The following PYHIN1 variants were observed in gnomAD, a reference collection of about 807,000 sequenced individuals.
PYHIN1 encodes pyrin and HIN domain-containing protein 1.
Under a neutral mutation model 43.7 loss-of-function variants are expected in PYHIN1, and 32 were observed. The observed-to-expected ratio is 0.73, with a 90% CI of 0.55 to 0.98. The LOEUF (loss-of-function observed/expected upper bound fraction) is 0.98, where lower values mean the gene tolerates loss of function less well. Ranked by LOEUF, PYHIN1 falls within the 50% of genes least tolerant of loss-of-function variation. The pLI is 0.00. For missense variants in PYHIN1, 588 were observed against 589.5 expected (o/e 1.00, Z 0.03); for synonymous variants, 205 against 203.1 (o/e 1.01, Z -0.08).
the PYHIN1 span, among the ~76,000 whole-genome samples, chr1:158,989,340 T>G: frequency 7.9e-5 from 12 of 152,308 alleles, no homozygotes; most frequent in African/African-American, 2.6e-4. Context: ...TATGAATTAG[T>G]GAAGGTCAAG....
At chr1:158,944,722 G>A (rs1016994031) in intron 6 of PYHIN1, among the ~76,000 whole-genome samples, 153 bp from the exon 7 acceptor site, 7 of 152,092 alleles carry the variant, frequency 4.6e-5, no homozygotes, top group African/African-American at 1.7e-4. Context: ...AAATATATTG[G>A]CAGTTGCCTG....
At chr1:158,983,801 G>A in the PYHIN1 span, among the ~76,000 whole-genome samples, 4 of 151,830 alleles carry the variant, frequency 2.6e-5, no homozygotes, top group African/African-American at 9.7e-5. Flanking sequence ...ATTTTATTAT[G>A]GATTCAATTT....
At chr1:158,956,570 C>A (rs934100126) in intron 7 of PYHIN1, among the ~76,000 whole-genome samples, 1 of 151,796 alleles carries the variant, frequency 6.6e-6, no homozygotes, top group African/African-American at 2.4e-5. Flanking sequence ...ATGCTAAAAA[C>A]TCTCAATAAA....
At chr1:158,960,433 G>A (rs1016674613) in intron 7 of PYHIN1, among the ~76,000 whole-genome samples, 33 of 152,348 alleles carry the variant, frequency 2.2e-4, no homozygotes, top group African/African-American at 7.9e-4. Context: ...TTATTCTGCT[G>A]TACATGAACA....
intron 8 of PYHIN1, among the ~76,000 whole-genome samples, chr1:158,974,152 C>T (rs1266220400): frequency 6.6e-6 from 1 of 151,944 alleles, no homozygotes; most frequent in Non-Finnish European, 1.5e-5. Context: ...TTCAAAATCC[C>T]TGTTTCTTTC....
rs1651304527 is a variant in PYHIN1 at position 158,976,890 on chromosome 1, A to AC, written c.*195_*196insC. 1 of 8,338 alleles carries AC rather than the reference A, an allele frequency of 1.2e-4. No individual in the cohort carries two copies. The highest frequency in any genetic ancestry group is 5.5e-4 in the Non-Finnish European group (1 of 1,810). 0.5% of individuals were successfully genotyped at this position (8,338 alleles called of 1,614,324 possible). A position where few individuals can be genotyped will look rare whatever the true frequency, so the allele number is the denominator to read the frequency against. On this transcript the variant is annotated 3_prime_UTR_variant, in exon 9 of 9. Transcript: ENST00000368140. ...ATACTATATATATATATATATATAT[A>AC]TATATATATATATATATATATATAT...
chr1:158,989,163 G>T, the PYHIN1 span, among the ~76,000 whole-genome samples: 1 of 152,254 alleles, frequency 6.6e-6, no homozygotes, highest in East Asian at 1.9e-4. Flanking sequence ...AGATTTTCAG[G>T]TTCACAGATG....
chr1:158,978,274 C>CATAT (rs57749637), downstream of PYHIN1, among the ~76,000 whole-genome samples: 10 of 150,814 alleles, frequency 6.6e-5, no homozygotes, highest in African/African-American at 2.5e-4. Context: ...TGTGTCTATA[C>CATAT]ATATATATAT....
intron 7 of PYHIN1, among the ~76,000 whole-genome samples, chr1:158,957,862 A>G (rs1186457435): frequency 6.7e-6 from 1 of 150,046 alleles, no homozygotes; most frequent in African/African-American, 2.4e-5. Flanking sequence ...CTCATCTGAC[A>G]AAGGGCTAAT....
At chr1:158,958,696 T>C (rs901763648) in intron 7 of PYHIN1, among the ~76,000 whole-genome samples, 27 of 148,664 alleles carry the variant, frequency 1.8e-4, no homozygotes, top group African/African-American at 5.7e-4. Context: ...GCATGGCACA[T>C]GCATACATAT....
chr1:158,951,269 A>G (rs1051139201), intron 7 of PYHIN1, among the ~76,000 whole-genome samples: 2 of 152,120 alleles, frequency 1.3e-5, no homozygotes, highest in African/African-American at 4.8e-5. Context: ...CTGCTTGTTC[A>G]TTGCCATAAG....
chr1:158,963,942 G>C (rs1048949347), intron 7 of PYHIN1, among the ~76,000 whole-genome samples: 1 of 152,138 alleles, frequency 6.6e-6, no homozygotes, highest in African/African-American at 2.4e-5. Flanking sequence ...TAAGATAATT[G>C]ACATTCAAGA....
Position 158,938,621 on chromosome 1 carries a change from C to T in PYHIN1, c.411+79C>T, listed in dbSNP as rs989902884. The T allele has an allele frequency of 2.8e-6, 4 of 1,427,402 alleles. No homozygotes were observed. The African/African-American group carries it at 4.3e-5, about 15-fold the overall frequency. The allele number at this position is 1,427,402 out of a possible 1,614,324, so 88.4% of individuals were successfully genotyped here. A position where few individuals can be genotyped will look rare whatever the true frequency, so the allele number is the denominator to read the frequency against. On this transcript the variant is annotated intron_variant, in intron 3 of 8. Transcript: ENST00000368140. ...TGGCTGTTCCACTCAATCTGTCCAG[C>T]AGGCAGTTATTTCTTCATATGTTTC...
intron 7 of PYHIN1, among the ~76,000 whole-genome samples, chr1:158,956,426 C>G (rs1271467540): frequency 6.6e-6 from 1 of 151,988 alleles, no homozygotes; most frequent in East Asian, 1.9e-4. Flanking sequence ...GGTTTCATCC[C>G]TGGGATGCAA....
At chr1:158,968,024 A>G (rs1169823030) in intron 7 of PYHIN1, among the ~76,000 whole-genome samples, 2 of 152,074 alleles carry the variant, frequency 1.3e-5, no homozygotes, top group Non-Finnish European at 2.9e-5. Flanking sequence ...CATTCTGGAT[A>G]TAGGGCCTGG....
At chr1:158,956,284 G>C (rs1407240729) in intron 7 of PYHIN1, among the ~76,000 whole-genome samples, 1 of 151,930 alleles carries the variant, frequency 6.6e-6, no homozygotes, top group Non-Finnish European at 1.5e-5. Context: ...ACCAAAGCCT[G>C]GCAGAGACAC....
chr1:158,969,694 C>A (rs531587578), intron 7 of PYHIN1, among the ~76,000 whole-genome samples: 1 of 152,070 alleles, frequency 6.6e-6, no homozygotes, highest in Non-Finnish European at 1.5e-5. Context: ...AGCTCTGATC[C>A]ATTTACTCTC....
downstream of PYHIN1, among the ~76,000 whole-genome samples, chr1:158,977,937 A>G (rs981974462): frequency 2.6e-5 from 4 of 152,124 alleles, no homozygotes; most frequent in African/African-American, 4.8e-5. Context: ...AAAGCTGAAA[A>G]GAGCCTCACT....
chr1:158,984,754 A>G, the PYHIN1 span, among the ~76,000 whole-genome samples: 2 of 152,130 alleles, frequency 1.3e-5, no homozygotes, highest in African/African-American at 4.8e-5. Flanking sequence ...AGGGTGTTGT[A>G]TTCTCCCACT....
Sources: gnomAD v4.1 joint callset for allele counts (sites outside exome capture counted in the v4.1 genomes callset) on GRCh38, gnomAD v4.1.1 for gene constraint, MANE v1.5 for transcripts, NCBI Gene and HGNC (gene_info 2026-07-23, HGNC 2026-07-21) for gene names.